The following RGS22 variants were observed in gnomAD, a reference collection of about 807,000 sequenced individuals.
The protein encoded by RGS22 is regulator of G-protein signaling 22.
RGS22 carries 148 observed loss-of-function variants against 172.9 expected under a neutral mutation model. The ratio of observed to expected loss-of-function variants is 0.86; its 90% CI spans 0.75 to 0.98. The LOEUF is 0.98. Among genes scored for constraint, RGS22 ranks in the 50% least tolerant of loss-of-function variants. The pLI, the probability that RGS22 is intolerant of heterozygous loss-of-function variation, is 0.00. For synonymous variants in RGS22, 458 were observed against 480.2 expected (o/e 0.95, Z 0.60); for missense variants, 1,347 against 1,440.8 (o/e 0.93, Z 1.05).
At chr8:100,052,054 TATTTATATATTTATATA>T (rs1821631175) in intron 10 of RGS22, among the ~76,000 whole-genome samples, 1 of 95,734 alleles carries the variant, frequency 1.0e-5, no homozygotes, top group African/African-American at 4.0e-5. Context: ...TGTTTATATA[TATTTATATATTTATATA>T]TAAATGTTTA....
chr8:100,038,839 C>T lies in RGS22; in HGVS notation c.2166+92G>A, dbSNP rs536122145. 23 of 616,888 alleles carry T rather than the reference C, an allele frequency of 3.7e-5. No homozygotes were observed. In the East Asian group the frequency reaches 4.7e-4, roughly 13 times the overall value. 38.2% of individuals were successfully genotyped at this position (616,888 alleles called of 1,614,324 possible). ...AATTTAATTGCTGCCTTTTTGCCTG[C>T]GATCCCAGATTTCTCGTTTGGGACT... is the stretch of plus-strand genomic sequence containing the variant. On this transcript the variant is annotated intron_variant, in intron 14 of 27. Transcript: ENST00000360863.
Position 100,066,286 on chromosome 8 carries a change from G to T in RGS22, c.605C>A (p.Thr202Asn). The part of the protein sequence containing the change: ...FYVSLGEASY[T>N]QTKDWFALAK... ...TAATGCAAACCAATCTTTTGTTTGA[G>T]TATAGGAAGCCTAGGAAGAAGGGAG... is the stretch of plus-strand genomic sequence containing the variant. Residue 202 changes from threonine (T) to asparagine (N), a missense_variant, in exon 7 of 28, where the codon ACT becomes AAT. Thr to Asn is a moderately conservative substitution (Grantham distance 65, BLOSUM62 0). Transcript: ENST00000360863. 6.2e-7 allele frequency: 1 copy of T among 1,612,996 alleles called. No individual in the cohort carries two copies. Among genetic ancestry groups the T allele is most frequent in the Non-Finnish European group, 8.5e-7 (1 of 1,179,178 alleles).
intron 14 of RGS22, among the ~76,000 whole-genome samples, chr8:100,010,341 C>A (rs1816239584): frequency 6.6e-6 from 1 of 152,078 alleles, no homozygotes; most frequent in African/African-American, 2.4e-5. Context: ...CACAAATTAG[C>A]TGGGCACGGT....
At chr8:100,046,108 TA>T in intron 11 of RGS22, 2 of 152,156 alleles carry the variant, frequency 1.3e-5, no homozygotes, top group African/African-American at 2.4e-5. Flanking sequence ...AAATTTAAAA[TA>T]AAAAAACAAG....
At chr8:99,982,142 T>C in intron 21 of RGS22, 26 bp from the exon 22 acceptor site, 2 of 1,555,792 alleles carry the variant, frequency 1.3e-6, no homozygotes, top group Non-Finnish European at 1.7e-6. Flanking sequence ...GATAGAATGG[T>C]ATATAATTAA....
At chr8:100,066,492 AT>A (rs1031829710) in intron 6 of RGS22, among the ~76,000 whole-genome samples, 196 bp from the exon 7 acceptor site, 12 of 151,778 alleles carry the variant, frequency 7.9e-5, no homozygotes, top group Non-Finnish European at 1.0e-4. Context: ...TTCAATCCAG[AT>A]TTTTTTTTCA....
intron 24 of RGS22, among the ~76,000 whole-genome samples, chr8:99,964,514 T>C: frequency 6.7e-6 from 1 of 149,166 alleles, no homozygotes; most frequent in South Asian, 2.2e-4. Context: ...CAGCCTGATA[T>C]CTCTAACTGG....
At chr8:100,102,583 A>G (rs1200849452) in intron 2 of RGS22, among the ~76,000 whole-genome samples, 1 of 152,248 alleles carries the variant, frequency 6.6e-6, no homozygotes, top group Non-Finnish European at 1.5e-5. Context: ...CAGCTAAAAG[A>G]TGCTCAGAGC....
intron 2 of RGS22, among the ~76,000 whole-genome samples, chr8:100,102,957 T>A (rs987140926): frequency 1.3e-5 from 2 of 152,234 alleles, no homozygotes; most frequent in Non-Finnish European, 2.9e-5. Flanking sequence ...CACTGTGAAC[T>A]TCGACCTCCT....
chr8:100,052,643 G>A (rs1821794870), intron 10 of RGS22, among the ~76,000 whole-genome samples, 159 bp downstream of exon 10: 1 of 152,104 alleles, frequency 6.6e-6, no homozygotes, highest in Non-Finnish European at 1.5e-5. Context: ...GCTTGGTAGA[G>A]AACAGACTGT....
chr8:100,032,910 A>G (rs1180217047), intron 14 of RGS22, among the ~76,000 whole-genome samples: 3 of 152,226 alleles, frequency 2.0e-5, no homozygotes, highest in Admixed American at 6.5e-5. Context: ...CCTGCTCCTG[A>G]ATGACTACTG....
intron 14 of RGS22, among the ~76,000 whole-genome samples, chr8:100,014,214 C>A (rs114622281): frequency 1.4e-3 from 211 of 152,308 alleles, no homozygotes; most frequent in African/African-American, 4.6e-3. Context: ...TGTGCTCGAC[C>A]ATGTTCCTCC....
At chr8:100,048,567 C>T (rs1820966887) in intron 10 of RGS22, among the ~76,000 whole-genome samples, 1 of 151,926 alleles carries the variant, frequency 6.6e-6, no homozygotes, top group Admixed American at 6.6e-5. Flanking sequence ...AACAATAAAA[C>T]CTTATATATA....
chr8:100,037,856 T>C (rs1819663312), intron 14 of RGS22, among the ~76,000 whole-genome samples: 1 of 152,114 alleles, frequency 6.6e-6, no homozygotes, highest in Non-Finnish European at 1.5e-5. Flanking sequence ...AAATTAGAGA[T>C]ATAATTTCAT....
chr8:100,031,785 G>T (rs1202877910), intron 14 of RGS22, among the ~76,000 whole-genome samples: 4 of 151,952 alleles, frequency 2.6e-5, no homozygotes, highest in Non-Finnish European at 5.9e-5. Flanking sequence ...TCTCACTGAA[G>T]CAAGTATGTA....
chr8:99,995,368 C>T (rs1428727912), intron 20 of RGS22, among the ~76,000 whole-genome samples: 1 of 152,184 alleles, frequency 6.6e-6, no homozygotes, highest in African/African-American at 2.4e-5. Context: ...ATCTATCCAT[C>T]TGACAAAGGG....
rs140912189 is a variant in RGS22, at chr8:100,054,421, T to A, written c.1515-1445A>T. Reference sequence around the variant, plus strand: ...CAGCCTGGACAACATACCAAGCTTGTCTCTACAGAAAAATTTTTCAAATTA... The same window carrying A: ...CAGCCTGGACAACATACCAAGCTTGACTCTACAGAAAAATTTTTCAAATTA... On this transcript the variant is annotated intron_variant, in intron 9 of 27. Transcript: ENST00000360863. 1,356 of 154,250 alleles carry A rather than the reference T, an allele frequency of 8.8e-3. 10 individuals are homozygous for A. The highest frequency in any genetic ancestry group is 0.013 in the Non-Finnish European group (856 of 68,046). 9.6% of individuals were successfully genotyped at this position (154,250 alleles called of 1,614,324 possible).
At chr8:100,008,609 AAGCCACAATGG>A in intron 14 of RGS22, 40 bp from the exon 15 acceptor site, 1 of 1,506,836 alleles carries the variant, frequency 6.6e-7, no homozygotes, top group South Asian at 1.2e-5. Flanking sequence ...ATGTTAAGAG[AAGCCACAATGG>A]TTAGCAGACA....
At chr8:100,052,048 T>C (rs1821628980) in intron 10 of RGS22, among the ~76,000 whole-genome samples, 1 of 96,168 alleles carries the variant, frequency 1.0e-5, no homozygotes, top group African/African-American at 4.0e-5. Flanking sequence ...TATAAATGTT[T>C]ATATATATTT....
Sources: gnomAD v4.1 joint callset for allele counts (sites outside exome capture counted in the v4.1 genomes callset) on GRCh38, gnomAD v4.1.1 for gene constraint, MANE v1.5 for transcripts, NCBI Gene and HGNC (gene_info 2026-07-23, HGNC 2026-07-21) for gene names.